The following TEX11 variants were observed in gnomAD, a reference collection of about 807,000 sequenced individuals.
TEX11 encodes the protein testis-expressed protein 11.
TEX11 carries 7 observed loss-of-function variants against 84.4 expected under a neutral mutation model. The ratio of observed to expected loss-of-function variants is 0.08; its 90% CI spans 0.05 to 0.16. The LOEUF is 0.16. Among genes scored for constraint, TEX11 ranks in the 10% least tolerant of loss-of-function variants. TEX11 has a pLI of 1.00. For missense variants in TEX11, 551 were observed against 660.5 expected (o/e 0.83, Z 1.82); for synonymous variants, 264 against 222.8 (o/e 1.18, Z -1.64).
chrX:70,891,485 A>T (rs1405936078), intron 2 of TEX11, among the ~76,000 whole-genome samples: 1 of 111,530 alleles, frequency 9.0e-6, no homozygotes, highest in Non-Finnish European at 1.9e-5. Context: ...AAAACCTTGA[A>T]AAAAAGATTA....
At chrX:70,536,613 T>C (rs1356123059) in intron 28 of TEX11, among the ~76,000 whole-genome samples, 1 of 112,340 alleles carries the variant, frequency 8.9e-6, no homozygotes, top group South Asian at 3.7e-4. Context: ...ACCTTTTCCA[T>C]TGCATACAAA....
chrX:70,536,514 C>T (rs1158699522), intron 28 of TEX11, among the ~76,000 whole-genome samples: 2 of 111,603 alleles, frequency 1.8e-5, no homozygotes, highest in African/African-American at 6.5e-5. Context: ...TATGCTATAA[C>T]GCCCCTCAGT....
Position 70,751,220 on chromosome X carries a change from T to C in TEX11, c.693-7001A>G, listed in dbSNP as rs747684956. On this transcript the variant is annotated intron_variant, in intron 9 of 29. Coordinates refer to ENST00000374333, the MANE Select transcript of TEX11 (RefSeq NM_031276.3). The stretch of plus-strand genomic sequence containing the variant: ...GCGGCACTATTCACAATAGCAAAGA[T>C]ATGGAACCAACCCAAATGTCCAACA... Among the ~76,000 whole-genome samples the C allele has an allele frequency of 2.8e-5, 3 of 105,942 alleles. No homozygotes were observed. The South Asian group carries it at 1.3e-3, about 47-fold the overall frequency. 92.0% of individuals were successfully genotyped at this position (105,942 alleles called of 115,157 possible). A position where few individuals can be genotyped will look rare whatever the true frequency, so the allele number is the denominator to read the frequency against.
intron 7 of TEX11, among the ~76,000 whole-genome samples, chrX:70,839,545 C>T (rs112445638): frequency 9.0e-6 from 1 of 111,633 alleles, no homozygotes; most frequent in Admixed American, 9.6e-5. Flanking sequence ...GGGAAAAAAA[C>T]AGAGCAGAAA....
intron 2 of TEX11, 28 bp from the exon 3 acceptor site, chrX:70,880,137 C>A: frequency 8.9e-7 from 1 of 1,126,571 alleles, no homozygotes; most frequent in Non-Finnish European, 1.2e-6. Context: ...GATAAATGTG[C>A]TGTGAACTAT....
chrX:70,862,637 CTCACA>C (rs1569457263), intron 4 of TEX11, among the ~76,000 whole-genome samples: 1 of 109,610 alleles, frequency 9.1e-6, no homozygotes, highest in Non-Finnish European at 1.9e-5. Flanking sequence ...GGCATGGTGG[CTCACA>C]CCTGTAACCC....
chrX:70,856,992 G>T (rs749677949), intron 5 of TEX11, among the ~76,000 whole-genome samples: 9 of 111,404 alleles, frequency 8.1e-5, no homozygotes, highest in Non-Finnish European at 1.7e-4. Flanking sequence ...TTGATTTGGG[G>T]AAATCTTTGT....
intron 16 of TEX11, among the ~76,000 whole-genome samples, chrX:70,656,831 G>A (rs1281078451): frequency 8.9e-6 from 1 of 112,037 alleles, no homozygotes; most frequent in African/African-American, 3.2e-5. Context: ...TTGAGTGAGT[G>A]CAAGGACCTC....
At chrX:70,902,875 T>C (rs1226878369) in intron 2 of TEX11, among the ~76,000 whole-genome samples, 4 of 112,477 alleles carry the variant, frequency 3.6e-5, no homozygotes, top group Non-Finnish European at 7.5e-5. Context: ...ACAAACATTA[T>C]ACAGCTGTAC....
At position 70,653,870 on chromosome X, in the gene TEX11, C is replaced by T. The variant is rs748221455; in HGVS notation, c.1381-2318G>A. 8.9e-5 allele frequency among the ~76,000 whole-genome samples: 10 copies of T among 112,008 alleles called. No homozygotes were observed. The East Asian group carries it at 2.8e-3, about 31-fold the overall frequency. On this transcript the variant is annotated intron_variant, in intron 16 of 29. Transcript: ENST00000374333. ...ATTCAGCACTAAAAAAAATTAACTA[C>T]CAACCCATAAAAGGACATGAAGGAA...
the TEX11 span, among the ~76,000 whole-genome samples, chrX:70,516,616 T>A: frequency 1.8e-5 from 2 of 111,592 alleles, no homozygotes; most frequent in African/African-American, 6.5e-5. Flanking sequence ...TCTTTTTTGG[T>A]TCCATATGAA....
chrX:70,803,649 C>A (rs747343361), intron 9 of TEX11, among the ~76,000 whole-genome samples: 1 of 111,762 alleles, frequency 8.9e-6, no homozygotes, highest in South Asian at 3.8e-4. Context: ...ATGGGTACTT[C>A]CAAATTATAT....
At chrX:70,768,982 G>T (rs1367889207) in intron 9 of TEX11, among the ~76,000 whole-genome samples, 1 of 111,489 alleles carries the variant, frequency 9.0e-6, no homozygotes, top group Admixed American at 9.6e-5. Flanking sequence ...AACCAAATGG[G>T]TCAAAGAATA....
At chrX:70,535,318 G>C (rs900326524) in intron 28 of TEX11, among the ~76,000 whole-genome samples, 4 of 111,916 alleles carry the variant, frequency 3.6e-5, no homozygotes, top group African/African-American at 9.8e-5. Flanking sequence ...TTTCTCTTGG[G>C]TATACACCTA....
intron 20 of TEX11, among the ~76,000 whole-genome samples, chrX:70,621,565 T>A (rs2089392787): frequency 7.2e-5 from 4 of 55,540 alleles, no homozygotes; most frequent in Non-Finnish European, 1.3e-4. Flanking sequence ...TATATATATA[T>A]ATATATATAT....
chrX:70,642,854 T>C (rs1426681670), intron 17 of TEX11, among the ~76,000 whole-genome samples: 1 of 39,991 alleles, frequency 2.5e-5, no homozygotes, highest in African/African-American at 9.5e-5. Flanking sequence ...CTTTGAAAAC[T>C]GGCACAAGAC....
At chrX:70,597,136 G>T (rs1453296106) in intron 24 of TEX11, among the ~76,000 whole-genome samples, 2 of 112,040 alleles carry the variant, frequency 1.8e-5, no homozygotes, top group Non-Finnish European at 3.8e-5. Context: ...ACAAAACATT[G>T]TTGAAAGAAG....
intron 8 of TEX11, among the ~76,000 whole-genome samples, chrX:70,825,004 C>G (rs2091337337): frequency 2.7e-5 from 3 of 111,338 alleles, no homozygotes; most frequent in African/African-American, 9.8e-5. Context: ...ACCCAGAAGC[C>G]AAAAATGTAA....
intron 25 of TEX11, among the ~76,000 whole-genome samples, chrX:70,558,368 C>T (rs1420048964): frequency 9.0e-6 from 1 of 111,147 alleles, no homozygotes. Context: ...TGGATAGCCA[C>T]ATGATAAAGA....
Sources: allele counts gnomAD v4.1 joint callset (sites outside exome capture counted in the v4.1 genomes callset), GRCh38; gene constraint gnomAD v4.1.1; transcripts MANE v1.5; gene names NCBI Gene and HGNC (gene_info 2026-07-23, HGNC 2026-07-21).